Variants in ABLIM2 observed in about 807,000 individuals in gnomAD.
ABLIM2 encodes the protein actin binding LIM protein family member 2.
A neutral mutation model predicts 97.7 loss-of-function variants in ABLIM2; 53 were observed. That is an observed-to-expected ratio of 0.54 (90% CI 0.44 to 0.68). ABLIM2 has a LOEUF of 0.68. Among genes scored for constraint, ABLIM2 ranks in the 30% least tolerant of loss-of-function variants. ABLIM2 has a pLI of 0.00. For synonymous variants in ABLIM2, 361 were observed against 345.8 expected (o/e 1.04, Z -0.49); for missense variants, 835 against 867.2 (o/e 0.96, Z 0.47).
chr4:7,982,863 CCA>C (rs1225497720), intron 20 of ABLIM2, among the ~76,000 whole-genome samples: 1 of 152,112 alleles, frequency 6.6e-6, no homozygotes, highest in African/African-American at 2.4e-5. Flanking sequence ...GCCACCACGC[CCA>C]CCTAAGTTTT....
chr4:7,974,150 T>A (rs1435164483), intron 20 of ABLIM2, among the ~76,000 whole-genome samples: 1 of 152,208 alleles, frequency 6.6e-6, no homozygotes, highest in Non-Finnish European at 1.5e-5. Context: ...TCTTAGTATA[T>A]GGCTGTGGCT....
In ABLIM2 at chr4:8,128,476, G is replaced by A. The variant is rs769864483; in HGVS notation, c.11-21839C>T. 3.3e-5 allele frequency among the ~76,000 whole-genome samples: 5 copies of A among 152,318 alleles called. No individual in the cohort carries two copies. Among genetic ancestry groups the A allele is most frequent in the South Asian group, 2.1e-4 (1 of 4,820 alleles). ...CATACCGAAACATGGCTAGCACCAC[G>A]CAGAACAGAGTTTTAGATTTTATTT... On this transcript the variant is annotated intron_variant, in intron 1 of 20. Transcript: ENST00000447017. The surrounding 1 kb of genome is among the most constrained non-coding windows in gnomAD (Gnocchi z 4.9).
In ABLIM2 at chr4:8,082,471, A is replaced by T. The variant is rs770707847; in HGVS notation, c.455-1669T>A. Among the ~76,000 whole-genome samples, 111 of 152,198 alleles carry T rather than the reference A, an allele frequency of 7.3e-4. No individual in the cohort carries two copies. The highest frequency in any genetic ancestry group is 1.5e-3 in the Non-Finnish European group (101 of 68,040). On this transcript the variant is annotated intron_variant, in intron 4 of 20. Coordinates refer to ENST00000447017, the MANE Select transcript of ABLIM2 (RefSeq NM_001130083.2). This position sits in a 1 kb window ranked among gnomAD's most constrained non-coding sequence, Gnocchi z 5.6. ...CCCTGTGGGCCTGCTGTGCGGTGAG[A>T]GCTCAGCAGAGGCTGCTTCCCTGCG... is the stretch of plus-strand genomic sequence containing the variant.
At position 8,058,538 on chromosome 4, in the gene ABLIM2, G is replaced by T. The variant is rs1159803149; in HGVS notation, c.763+2429C>A. ...AGAGAATCTTCAAAAGGGAGCTGTG[G>T]CTAAAGAGATGAAGTCACAATAGCA... On this transcript the variant is annotated intron_variant, in intron 7 of 20. Coordinates refer to ENST00000447017, the MANE Select transcript of ABLIM2 (RefSeq NM_001130083.2). The surrounding 1 kb of genome is among the most constrained non-coding windows in gnomAD (Gnocchi z 4.2). Among the ~76,000 whole-genome samples, 1 of 152,204 alleles carries T rather than the reference G, an allele frequency of 6.6e-6. No homozygotes were observed. The highest frequency in any genetic ancestry group is 1.5e-5 in the Non-Finnish European group (1 of 68,034).
intron 17 of ABLIM2, chr4:7,989,501 T>C: frequency 1.1e-6 from 1 of 869,694 alleles, no homozygotes; most frequent in Non-Finnish European, 1.4e-6. Context: ...AACTGCTTTA[T>C]TCCATTATGC....
chr4:8,147,911 A>G lies in ABLIM2; in HGVS notation c.10+10769T>C, dbSNP rs956124862. ...TTCCCTGAGCGAGGCACGGACCTGC[A>G]CAAAACCCTTTCTTTAATGGGTGAA... is the stretch of plus-strand genomic sequence containing the variant. On this transcript the variant is annotated intron_variant, in intron 1 of 20. Transcript: ENST00000447017. The surrounding 1 kb of genome is among the most constrained non-coding windows in gnomAD (Gnocchi z 5.3). Among the ~76,000 whole-genome samples, 10 of 152,228 alleles carry G rather than the reference A, an allele frequency of 6.6e-5. No individual in the cohort carries two copies. Among genetic ancestry groups the G allele is most frequent in the Non-Finnish European group, 1.2e-4 (8 of 68,046 alleles).
In ABLIM2 at chr4:8,068,103, T is replaced by C. The variant is rs1191938680; in HGVS notation, c.676-7049A>G. 2.6e-5 allele frequency among the ~76,000 whole-genome samples: 4 copies of C among 151,994 alleles called. No individual in the cohort carries two copies. The highest frequency in any genetic ancestry group is 7.3e-5 in the African/African-American group (3 of 41,296). On this transcript the variant is annotated intron_variant, in intron 6 of 20. Transcript: ENST00000447017. This position sits in a 1 kb window ranked among gnomAD's most constrained non-coding sequence, Gnocchi z 4.5. ...TGGGGCGTCCCAGTCATCGGTACAG[T>C]GGCCACATCCTCCCAATTGCCACCC...
intron 12 of ABLIM2, among the ~76,000 whole-genome samples, chr4:8,026,586 G>C (rs1450333044): frequency 6.6e-6 from 1 of 152,266 alleles, no homozygotes; most frequent in African/African-American, 2.4e-5. Flanking sequence ...AGCTGCTCAG[G>C]ATGGGGAATT....
intron 7 of ABLIM2, among the ~76,000 whole-genome samples, chr4:8,055,661 T>G (rs1359109905): frequency 6.6e-6 from 1 of 152,228 alleles, no homozygotes; most frequent in African/African-American, 2.4e-5. Context: ...TCCCATCTCC[T>G]GCCTGCAAAG....
rs1191702134 is a variant in ABLIM2 at position 8,058,423 on chromosome 4, A to G, written c.763+2544T>C. Among the ~76,000 whole-genome samples, 1 of 152,208 alleles carries G rather than the reference A, an allele frequency of 6.6e-6. No individual in the cohort carries two copies. Among genetic ancestry groups the G allele is most frequent in the African/African-American group, 2.4e-5 (1 of 41,468 alleles). On this transcript the variant is annotated intron_variant, in intron 7 of 20. Coordinates refer to ENST00000447017, the MANE Select transcript of ABLIM2 (RefSeq NM_001130083.2). This position sits in a 1 kb window ranked among gnomAD's most constrained non-coding sequence, Gnocchi z 4.2. ...GACAATGGCCGCATGAGGTCATTCA[A>G]CAGCCCGCAGGCACCTGCACGGCAG...
In ABLIM2 at chr4:8,067,243, G is replaced by A. The variant is rs1577065053; in HGVS notation, c.676-6189C>T. ...CTGCAGGTCCGGGGCCTCAGAGCAC[G>A]GAATTAACTGCATCCTCAGCTCACC... On this transcript the variant is annotated intron_variant, in intron 6 of 20. Transcript: ENST00000447017. This position sits in a 1 kb window ranked among gnomAD's most constrained non-coding sequence, Gnocchi z 5.4. 1 of 152,230 alleles carries A rather than the reference G, an allele frequency of 6.6e-6. No homozygotes were observed. Among genetic ancestry groups the A allele is most frequent in the South Asian group, 2.1e-4 (1 of 4,830 alleles). 9.4% of individuals were successfully genotyped at this position (152,230 alleles called of 1,614,324 possible). A position where few individuals can be genotyped will look rare whatever the true frequency, so the allele number is the denominator to read the frequency against.
chr4:8,157,544 G>A (rs964759751), intron 1 of ABLIM2, among the ~76,000 whole-genome samples: 1 of 152,192 alleles, frequency 6.6e-6, no homozygotes, highest in Non-Finnish European at 1.5e-5. Flanking sequence ...GAGGGGGAGG[G>A]AGACAATCTC....
chr4:8,093,999 C>T (rs1197197212), intron 3 of ABLIM2, among the ~76,000 whole-genome samples: 1 of 152,120 alleles, frequency 6.6e-6, no homozygotes, highest in African/African-American at 2.4e-5. Flanking sequence ...CCCTGAGGTG[C>T]TTTTTGTGTT....
rs933155631 is a variant in ABLIM2, at chr4:7,998,637, G to C, written c.1619-5710C>G. 1 of 509,180 alleles carries C rather than the reference G, an allele frequency of 2.0e-6. No individual in the cohort carries two copies. Among genetic ancestry groups the C allele is most frequent in the Non-Finnish European group, 3.9e-6 (1 of 255,722 alleles). 31.5% of individuals were successfully genotyped at this position (509,180 alleles called of 1,614,324 possible). On this transcript the variant is annotated intron_variant, in intron 16 of 20. Transcript: ENST00000447017. The surrounding 1 kb of genome is among the most constrained non-coding windows in gnomAD (Gnocchi z 6.4). ...TGCCCATCTGCTAGTGTGGCTGCAGGAGGAAAACACCTGCCTCGTCACCTT... is the reference window on the plus strand; with the variant it reads ...TGCCCATCTGCTAGTGTGGCTGCAGCAGGAAAACACCTGCCTCGTCACCTT...
intron 1 of ABLIM2, among the ~76,000 whole-genome samples, chr4:8,126,515 A>T (rs189331858): frequency 7.1e-6 from 1 of 140,700 alleles, no homozygotes; most frequent in East Asian, 2.1e-4. Context: ...CATCACCTTC[A>T]CCCCACAGGC....
intron 1 of ABLIM2, among the ~76,000 whole-genome samples, chr4:8,151,904 A>G (rs1712977902): frequency 2.0e-5 from 3 of 151,964 alleles, no homozygotes; most frequent in Admixed American, 2.0e-4. Flanking sequence ...AGGGGGGCAC[A>G]TGGGCTCAAT....
chr4:8,152,181 G>A (rs1292345712), intron 1 of ABLIM2, among the ~76,000 whole-genome samples: 2 of 152,192 alleles, frequency 1.3e-5, no homozygotes, highest in African/African-American at 2.4e-5. Flanking sequence ...TCAGCCACGC[G>A]TTATGAGGCA....
chr4:8,127,558 C>T lies in ABLIM2; in HGVS notation c.11-20921G>A, dbSNP rs779950809. On this transcript the variant is annotated intron_variant, in intron 1 of 20. Transcript: ENST00000447017. This position sits in a 1 kb window ranked among gnomAD's most constrained non-coding sequence, Gnocchi z 7.3. The stretch of plus-strand genomic sequence containing the variant: ...GTTTGGGGATTTACCTGTGTCTCCC[C>T]CTGGCACCCCCATGGAGCGTGGCTG... 1.7e-5 allele frequency: 22 copies of T among 1,289,672 alleles called. No homozygotes were observed. The South Asian group carries it at 1.7e-4, about 10-fold the overall frequency. The allele number at this position is 1,289,672 out of a possible 1,614,324, so 79.9% of individuals were successfully genotyped here.
chr4:8,158,304 G>C lies in ABLIM2; in HGVS notation c.10+376C>G, dbSNP rs530142701. Among the ~76,000 whole-genome samples, 12 of 152,328 alleles carry C rather than the reference G, an allele frequency of 7.9e-5. No individual in the cohort carries two copies. In the South Asian group the frequency reaches 2.1e-3, roughly 26 times the overall value. On this transcript the variant is annotated intron_variant, in intron 1 of 20. Transcript: ENST00000447017. ...CTATCATCTCACCTCTGCGTGCCTAGGTCTGCTGGGGCCCCGGCCCTTCGC... is the reference window on the plus strand; with the variant it reads ...CTATCATCTCACCTCTGCGTGCCTACGTCTGCTGGGGCCCCGGCCCTTCGC...
Sources: gnomAD v4.1 joint callset for allele counts (sites outside exome capture counted in the v4.1 genomes callset) on GRCh38, gnomAD v4.1.1 for gene constraint, Gnocchi (gnomAD v3.1) non-coding constraint, MANE v1.5 for transcripts, NCBI Gene and HGNC (gene_info 2026-07-23, HGNC 2026-07-21) for gene names.